The following MYL10 variants were observed in gnomAD, a reference collection of about 807,000 sequenced individuals.
The protein encoded by MYL10 is myosin light chain 10.
A neutral mutation model predicts 21.9 loss-of-function variants in MYL10; 18 were observed. That is an observed-to-expected ratio of 0.82 (90% CI 0.57 to 1.22). The LOEUF (loss-of-function observed/expected upper bound fraction) is 1.22. MYL10 is among the 50% of genes most tolerant of loss of function. MYL10 has a pLI of 0.00. For missense variants in MYL10, 225 were observed against 230.4 expected (o/e 0.98, Z 0.15); for synonymous variants, 88 against 82.8 (o/e 1.06, Z -0.34).
intron 1 of MYL10, 62 bp from the exon 2 acceptor site, chr7:101,624,326 T>C: frequency 4.0e-6 from 5 of 1,253,494 alleles, no homozygotes; most frequent in Non-Finnish European, 5.8e-6. Context: ...CCCCACCCCC[T>C]GTCTCACCTC....
chr7:101,620,875 G>A (rs1796669594), intron 5 of MYL10, among the ~76,000 whole-genome samples: 1 of 148,744 alleles, frequency 6.7e-6, no homozygotes, highest in African/African-American at 2.5e-5. Context: ...GGCAACCTCT[G>A]CCTCCCAGGT....
rs771747116 is a variant in MYL10, at chr7:101,624,233, C to A, written c.110G>T (p.Gly37Val). Residue 37 changes from glycine (G) to valine (V), a missense_variant, in exon 2 of 8, where the codon GGC becomes GTC. Physicochemically the swap from Gly to Val is moderately radical, Grantham distance 109. Transcript: ENST00000223167. ...APRRARKRAE[G>V]TASSNVFSMF... ...GGAGAAGACGTTGGAGCTGGCGGTG[C>A]CTTCTGCTCTTTTCCGAGCTCTTCT... 29 of 1,613,714 alleles carry A rather than the reference C, an allele frequency of 1.8e-5. No homozygotes were observed. Among genetic ancestry groups the A allele is most frequent in the Non-Finnish European group, 2.3e-5 (27 of 1,179,942 alleles).
chr7:101,614,724 G>A (rs994385040), intron 6 of MYL10, among the ~76,000 whole-genome samples: 3 of 152,162 alleles, frequency 2.0e-5, no homozygotes, highest in Non-Finnish European at 4.4e-5. Context: ...CCCCATCCCA[G>A]GGGAGTATGT....
Position 101,616,146 on chromosome 7 carries a change from G to T in MYL10, c.533+74C>A. On this transcript the variant is annotated intron_variant, in intron 6 of 7. Transcript: ENST00000223167. The stretch of plus-strand genomic sequence containing the variant: ...TGGCTTCTGGGAGAGGAGACTGGGC[G>T]ACCATCCACCCTGACCCCAGCCCAA... 4 of 1,297,880 alleles carry T rather than the reference G, an allele frequency of 3.1e-6. No homozygotes were observed. The South Asian group carries it at 3.7e-5, about 12-fold the overall frequency. 80.4% of individuals were successfully genotyped at this position (1,297,880 alleles called of 1,614,324 possible).
chr7:101,628,328 C>G (rs1385885830), intron 1 of MYL10, among the ~76,000 whole-genome samples: 2 of 152,106 alleles, frequency 1.3e-5, no homozygotes, highest in Non-Finnish European at 2.9e-5. Flanking sequence ...TGGTGGTGTG[C>G]TCTTGTAGTC....
chr7:101,627,318 G>C (rs1796757467), intron 1 of MYL10, among the ~76,000 whole-genome samples: 1 of 144,584 alleles, frequency 6.9e-6, no homozygotes, highest in African/African-American at 2.6e-5. Context: ...AGGAATTGCG[G>C]AGTGAGGTCA....
At chr7:101,618,879 G>A (rs778764231) in intron 5 of MYL10, among the ~76,000 whole-genome samples, 1 of 152,174 alleles carries the variant, frequency 6.6e-6, no homozygotes, top group Non-Finnish European at 1.5e-5. Flanking sequence ...GGACCGACAC[G>A]AGCTTTTAGT....
At chr7:101,620,454 C>T (rs2130739222) in intron 5 of MYL10, among the ~76,000 whole-genome samples, 1 of 152,302 alleles carries the variant, frequency 6.6e-6, no homozygotes, top group South Asian at 2.1e-4. Flanking sequence ...CGGATTCTCC[C>T]CAAATCCTCT....
chr7:101,628,092 C>G (rs1366274677), intron 1 of MYL10, among the ~76,000 whole-genome samples: 2 of 152,206 alleles, frequency 1.3e-5, no homozygotes, highest in Non-Finnish European at 2.9e-5. Context: ...CCATTAAGCA[C>G]CCCCAGGCCA....
At position 101,613,431 on chromosome 7, in the gene MYL10, AAC is replaced by A. The variant is rs757208419; in HGVS notation, c.*42_*43del. 6.5e-7 allele frequency: 1 copy of A among 1,544,912 alleles called. No homozygotes were observed. Among genetic ancestry groups the A allele is most frequent in the African/African-American group, 1.4e-5 (1 of 73,630 alleles). ...GCAAGAGCTCCCTGTCACACCCCACAACAGTGTTTGCTGCCCCTGAATGTCGG... is the reference window on the plus strand; with the variant it reads ...GCAAGAGCTCCCTGTCACACCCCACAAGTGTTTGCTGCCCCTGAATGTCGG... On this transcript the variant is annotated 3_prime_UTR_variant, in exon 8 of 8. Coordinates refer to ENST00000223167, the MANE Select transcript of MYL10 (RefSeq NM_138403.5).
At chr7:101,614,184 G>A (rs893073056) in intron 6 of MYL10, among the ~76,000 whole-genome samples, 16 of 152,162 alleles carry the variant, frequency 1.1e-4, no homozygotes, top group Non-Finnish European at 1.5e-4. Context: ...GTCCTCCTGG[G>A]CCTGCAAGGG....
intron 6 of MYL10, among the ~76,000 whole-genome samples, chr7:101,614,408 C>T (rs1796585227): frequency 6.6e-6 from 1 of 152,250 alleles, no homozygotes; most frequent in Non-Finnish European, 1.5e-5. Flanking sequence ...GGACTTTTCA[C>T]AGACTCTGTT....
intron 3 of MYL10, among the ~76,000 whole-genome samples, chr7:101,623,439 A>C (rs920319033): frequency 6.6e-6 from 1 of 152,244 alleles, no homozygotes; most frequent in African/African-American, 2.4e-5. Context: ...TCATGCCTGC[A>C]GTCCCAGCAA....
intron 6 of MYL10, among the ~76,000 whole-genome samples, chr7:101,615,291 C>G (rs1391081137): frequency 6.6e-6 from 1 of 152,072 alleles, no homozygotes; most frequent in Non-Finnish European, 1.5e-5. Context: ...TATCTGTCCG[C>G]CCGACTCCAT....
chr7:101,616,293 C>G lies in MYL10; in HGVS notation c.460G>C (p.Asp154His). 1 of 1,613,998 alleles carries G rather than the reference C, an allele frequency of 6.2e-7. No individual in the cohort carries two copies. Among genetic ancestry groups the G allele is most frequent in the Non-Finnish European group, 8.5e-7 (1 of 1,179,868 alleles). ...GCGTGGAGAATGGTCTCCTCTGGGTCCGTGCCTATAAGCAGCACATACAGG... is the reference window on the plus strand; with the variant it reads ...GCGTGGAGAATGGTCTCCTCTGGGTGCGTGCCTATAAGCAGCACATACAGG... ...TMFGEKLKGT[D>H]PEETILHAFK... Residue 154 changes from aspartate to histidine, a missense_variant, in exon 6 of 8, where the codon GAC becomes CAC. Transcript: ENST00000223167.
chr7:101,620,801 T>C (rs1054352387), intron 5 of MYL10, among the ~76,000 whole-genome samples: 1 of 149,228 alleles, frequency 6.7e-6, no homozygotes, highest in Non-Finnish European at 1.5e-5. Flanking sequence ...TTTTCTTTTT[T>C]TTTTTGTAGT....
intron 6 of MYL10, among the ~76,000 whole-genome samples, chr7:101,614,025 C>G (rs1338568242): frequency 2.0e-5 from 3 of 152,166 alleles, no homozygotes; most frequent in Non-Finnish European, 1.5e-5. Context: ...AGGGGAGACA[C>G]CTCAGGTCCC....
chr7:101,616,369 G>A, intron 5 of MYL10, 71 bp from the exon 6 acceptor site: 1 of 1,295,252 alleles, frequency 7.7e-7, no homozygotes, highest in South Asian at 1.2e-5. Context: ...GCACAAGGCT[G>A]GGCAGGGGCT....
intron 1 of MYL10, among the ~76,000 whole-genome samples, chr7:101,624,478 A>G (rs1263366347): frequency 2.0e-5 from 3 of 152,040 alleles, no homozygotes; most frequent in Non-Finnish European, 2.9e-5. Flanking sequence ...GTGCACCCCC[A>G]CAGAGCTGGA....
Sources: gnomAD v4.1 joint callset for allele counts (sites outside exome capture counted in the v4.1 genomes callset) on GRCh38, gnomAD v4.1.1 for gene constraint, MANE v1.5 for transcripts, NCBI Gene and HGNC (gene_info 2026-07-23, HGNC 2026-07-21) for gene names.